NAA15: variants seen among roughly 807,000 people sequenced by gnomAD.
NAA15 encodes the protein N-terminal acetyltransferase.
Under a neutral mutation model 114.0 loss-of-function variants are expected in NAA15, and 34 were observed. The observed-to-expected ratio is 0.30, with a 90% CI of 0.23 to 0.40. The LOEUF (loss-of-function observed/expected upper bound fraction) is 0.40. NAA15 is among the 10% of genes least tolerant of loss of function. The pLI, the probability that NAA15 is intolerant of heterozygous loss-of-function variation, is 1.00. For synonymous variants in NAA15, 340 were observed against 338.0 expected, an observed-to-expected ratio of 1.01 and a Z score of -0.06; for missense variants, 658 against 1,004.5, an observed-to-expected ratio of 0.66 and a Z score of 4.66.
Position 139,301,683 on chromosome 4 carries a change from A to G in NAA15, c.-95A>G. ...GTGGTGGCGGCGGATCGAGATATTCAAGGCTGAAGCAGCTACGGAACGGCA... is the reference window on the plus strand; with the variant it reads ...GTGGTGGCGGCGGATCGAGATATTCGAGGCTGAAGCAGCTACGGAACGGCA... On this transcript the variant is annotated 5_prime_UTR_variant, in exon 1 of 20. Transcript: ENST00000296543. 1.4e-6 allele frequency: 2 copies of G among 1,422,122 alleles called. No homozygotes were observed. Among genetic ancestry groups the G allele is most frequent in the African/African-American group, 1.4e-5 (1 of 69,654 alleles). 88.1% of individuals were successfully genotyped at this position (1,422,122 alleles called of 1,614,324 possible).
At chr4:139,359,415 C>T (rs1050081496) in intron 11 of NAA15, among the ~76,000 whole-genome samples, 6 of 152,174 alleles carry the variant, frequency 3.9e-5, no homozygotes, top group African/African-American at 1.4e-4. Flanking sequence ...GCATGAGCTA[C>T]AGCGCCCGGC....
intron 1 of NAA15, among the ~76,000 whole-genome samples, chr4:139,313,221 G>A (rs1746277185): frequency 1.3e-5 from 2 of 151,884 alleles, no homozygotes; most frequent in African/African-American, 4.8e-5. Context: ...TTTACACATG[G>A]TTGCTGTTCA....
rs1747917828 is a variant in NAA15 at position 139,355,416 on chromosome 4, TCA to T, written c.1087+1319_1087+1320del. ...TGAAGAAATTTTTTTATTTTTTTTT[TCA>T]GTTTTCCCAGTCTAGAGTTTGCTGA... is the stretch of plus-strand genomic sequence containing the variant. On this transcript the variant is annotated intron_variant, in intron 10 of 19. Transcript: ENST00000296543. Among the ~76,000 whole-genome samples, 7 of 152,244 alleles carry T rather than the reference TCA, an allele frequency of 4.6e-5. No individual in the cohort carries two copies. The South Asian group carries it at 1.5e-3, about 32-fold the overall frequency.
In NAA15 at chr4:139,342,861, G is replaced by C; in HGVS notation, c.438G>C (p.Ala146=). The C allele has an allele frequency of 2.5e-6, 4 of 1,613,700 alleles. No homozygotes were observed. The highest frequency in any genetic ancestry group is 3.4e-6 in the Non-Finnish European group (4 of 1,179,736). ...ATCAGTTACTTCAGCTTCGACCTGC[G>C]CAGAGAGCATCATGGATTGGTTATG... The part of the protein sequence containing the change: ...TRYQLLQLRP[A]QRASWIGYAI... Residue 146 remains alanine, a synonymous_variant, in exon 5 of 20, where the codon GCG becomes GCC. Transcript: ENST00000296543.
chr4:139,344,115 G>T (rs1045481950), intron 5 of NAA15, 71 bp from the exon 6 acceptor site: 12 of 1,321,260 alleles, frequency 9.1e-6, no homozygotes, highest in Admixed American at 2.4e-5. Flanking sequence ...ACATGTTTTT[G>T]AGTATTGTGA....
chr4:139,344,756 C>A (rs1747527666), intron 6 of NAA15, among the ~76,000 whole-genome samples: 1 of 151,978 alleles, frequency 6.6e-6, no homozygotes, highest in Non-Finnish European at 1.5e-5. Flanking sequence ...ATGAATCAGT[C>A]TTTACTAAAA....
chr4:139,348,536 T>A (rs1026746045), intron 6 of NAA15, among the ~76,000 whole-genome samples: 1 of 151,240 alleles, frequency 6.6e-6, no homozygotes, highest in African/African-American at 2.4e-5. Context: ...GCGAAAGATA[T>A]AACAGAGAGT....
intron 14 of NAA15, among the ~76,000 whole-genome samples, chr4:139,368,728 G>A (rs1255641655): frequency 6.6e-6 from 1 of 152,144 alleles, no homozygotes; most frequent in African/African-American, 2.4e-5. Context: ...CGGGGGTGGA[G>A]GGGGGTCCTG....
Position 139,349,435 on chromosome 4 carries a change from ATT to A in NAA15, c.692-16_692-15del, listed in dbSNP as rs11297960. 4.1e-5 allele frequency: 46 copies of A among 1,122,160 alleles called. No individual in the cohort carries two copies. Among genetic ancestry groups the A allele is most frequent in the African/African-American group, 3.6e-4 (23 of 63,568 alleles). 69.5% of individuals were successfully genotyped at this position (1,122,160 alleles called of 1,614,324 possible). Reference sequence around the variant, plus strand: ...TTGGAAGGTTTTCTCAGATATTAAAATTTTTTTTTTTTCTGTTTTTAATCAGG... The same window carrying A: ...TTGGAAGGTTTTCTCAGATATTAAAATTTTTTTTTTCTGTTTTTAATCAGG... On this transcript the variant is annotated intron_variant, in intron 6 of 19. Coordinates refer to ENST00000296543, the MANE Select transcript of NAA15 (RefSeq NM_057175.5).
chr4:139,372,838 G>T (rs1748480542), intron 15 of NAA15, among the ~76,000 whole-genome samples: 2 of 151,496 alleles, frequency 1.3e-5, no homozygotes, highest in Non-Finnish European at 2.9e-5. Flanking sequence ...CATTTAACAG[G>T]GATACATTCT....
Position 139,360,560 on chromosome 4 carries a change from T to C in NAA15, c.1471T>C (p.Cys491Arg). ...GCAGTGCATGTGGTTCCAAACAGAA[T>C]GTGCCCAGGCTTATAAAGCAATGAA... Reference protein sequence around the residue: ...EMQCMWFQTECAQAYKAMNKF... With the variant: ...EMQCMWFQTERAQAYKAMNKF... Residue 491 changes from cysteine to arginine, a missense_variant, in exon 13 of 20, where the codon TGT becomes CGT. This residue lies in a region of NAA15 where 281 missense variants were observed against 389.1 expected (regional missense o/e 0.72). Transcript: ENST00000296543. 1 of 1,610,034 alleles carries C rather than the reference T, an allele frequency of 6.2e-7. No individual in the cohort carries two copies. Among genetic ancestry groups the C allele is most frequent in the Non-Finnish European group, 8.5e-7 (1 of 1,178,122 alleles).
intron 2 of NAA15, among the ~76,000 whole-genome samples, chr4:139,335,658 C>T (rs1343277343): frequency 2.0e-5 from 3 of 152,026 alleles, no homozygotes; most frequent in African/African-American, 4.8e-5. Flanking sequence ...CCACTGCGCC[C>T]AGCCTATTTC....
chr4:139,370,916 A>G (rs754684494), intron 15 of NAA15, among the ~76,000 whole-genome samples: 3 of 152,192 alleles, frequency 2.0e-5, no homozygotes, highest in Non-Finnish European at 2.9e-5. Flanking sequence ...GTCAGTTTAC[A>G]TTATTTCTTT....
chr4:139,347,574 T>G (rs1747625622), intron 6 of NAA15, among the ~76,000 whole-genome samples: 1 of 152,160 alleles, frequency 6.6e-6, no homozygotes, highest in Non-Finnish European at 1.5e-5. Context: ...CCCAAGTGGT[T>G]GAGGCTGCAG....
chr4:139,355,631 A>G (rs1747925714), intron 10 of NAA15, among the ~76,000 whole-genome samples: 3 of 150,328 alleles, frequency 2.0e-5, no homozygotes, highest in Non-Finnish European at 4.4e-5. Context: ...GTGCTGCTCA[A>G]TAGCTATATA....
At chr4:139,382,347 T>C (rs950238023) in intron 17 of NAA15, among the ~76,000 whole-genome samples, 3 of 152,128 alleles carry the variant, frequency 2.0e-5, no homozygotes, top group Non-Finnish European at 4.4e-5. Flanking sequence ...AGTGAAGTTA[T>C]TTGCTTCAGT....
chr4:139,332,645 C>G (rs1015706644), intron 1 of NAA15, among the ~76,000 whole-genome samples: 3 of 119,106 alleles, frequency 2.5e-5, no homozygotes, highest in African/African-American at 1.0e-4. Context: ...TGTGGTGGTG[C>G]GATCTCTGCT....
chr4:139,337,033 C>G (rs1466293834), intron 3 of NAA15, 81 bp downstream of exon 3: 1 of 798,606 alleles, frequency 1.3e-6, no homozygotes, highest in East Asian at 2.8e-5. Flanking sequence ...AGTTTTAGAT[C>G]TCTCTTATTG....
chr4:139,365,618 G>A (rs546326527), intron 14 of NAA15, among the ~76,000 whole-genome samples: 1 of 152,112 alleles, frequency 6.6e-6, no homozygotes, highest in Admixed American at 6.6e-5. Flanking sequence ...CAGGTGGATC[G>A]TTTGAGTCCA....
Sources: gnomAD v4.1 joint callset for allele counts (sites outside exome capture counted in the v4.1 genomes callset) on GRCh38, gnomAD v4.1.1 for gene constraint, gnomAD v4.1.1 regional missense constraint, MANE v1.5 for transcripts, NCBI Gene and HGNC (gene_info 2026-07-23, HGNC 2026-07-21) for gene names.